The following CHEK1 variants were observed in gnomAD, a reference collection of about 807,000 sequenced individuals.
CHEK1 encodes the protein serine/threonine-protein kinase Chk1.
A neutral mutation model predicts 60.2 loss-of-function variants in CHEK1; 32 were observed. The observed-to-expected ratio is 0.53, with a 90% CI of 0.40 to 0.71. CHEK1 has a LOEUF of 0.71. Ranked by LOEUF, CHEK1 falls within the 30% of genes least tolerant of loss-of-function variation. The pLI, the probability that CHEK1 is intolerant of heterozygous loss-of-function variation, is 0.00. For missense variants in CHEK1, 399 were observed against 564.6 expected, an observed-to-expected ratio of 0.71 and a Z score of 2.97; for synonymous variants, 179 against 187.2, an observed-to-expected ratio of 0.96 and a Z score of 0.36.
Position 125,655,362 on chromosome 11 carries a change from G to A in CHEK1, c.*42G>A. On this transcript the variant is annotated 3_prime_UTR_variant, in exon 13 of 13. Coordinates refer to ENST00000438015, the MANE Select transcript of CHEK1 (RefSeq NM_001114122.3). ...GGGGAATCCTGGTGAATATAGTGCT[G>A]CTATGTTGACATTATTCTTCCTAGA... 2.2e-6 allele frequency: 3 copies of A among 1,352,214 alleles called. No individual in the cohort carries two copies. The highest frequency in any genetic ancestry group is 3.2e-6 in the Non-Finnish European group (3 of 948,478). The allele number at this position is 1,352,214 out of a possible 1,614,324, so 83.8% of individuals were successfully genotyped here.
chr11:125,677,802 G>C (rs1304652313), downstream of CHEK1: 1 of 1,613,990 alleles, frequency 6.2e-7, no homozygotes, highest in East Asian at 2.2e-5. Flanking sequence ...CTCACCTGTA[G>C]ATGTGCTTGA....
At chr11:125,646,474 C>T (rs1196556386) in intron 11 of CHEK1, among the ~76,000 whole-genome samples, 1 of 152,038 alleles carries the variant, frequency 6.6e-6, no homozygotes, top group African/African-American at 2.4e-5. Flanking sequence ...TTTTCAATTT[C>T]TTAGATATAT....
downstream of CHEK1, among the ~76,000 whole-genome samples, chr11:125,659,906 C>T (rs1941981103): frequency 1.3e-5 from 2 of 152,166 alleles, no homozygotes; most frequent in Non-Finnish European, 2.9e-5. Flanking sequence ...TACTAACCTA[C>T]ATTTTGTCTC....
chr11:125,670,620 A>G (rs1376090701), intron 13 of CHEK1, among the ~76,000 whole-genome samples: 1 of 152,124 alleles, frequency 6.6e-6, no homozygotes, highest in Non-Finnish European at 1.5e-5. Flanking sequence ...GGTTATCCTC[A>G]AATTTAGGGG....
At chr11:125,632,126 C>T (rs1382514486) in intron 5 of CHEK1, among the ~76,000 whole-genome samples, 1 of 152,036 alleles carries the variant, frequency 6.6e-6, no homozygotes, top group Non-Finnish European at 1.5e-5. Flanking sequence ...ATGCCATTAG[C>T]CTTTTTGTCC....
chr11:125,643,034 T>C (rs1006371065), intron 8 of CHEK1: 1 of 152,214 alleles, frequency 6.6e-6, no homozygotes, highest in Non-Finnish European at 1.5e-5. Context: ...ATAAAGCTTT[T>C]CCAAGGAATC....
In CHEK1 at chr11:125,657,077, C is replaced by T. The variant is rs1442876902; in HGVS notation, c.*1757C>T. 1 of 180,856 alleles carries T rather than the reference C, an allele frequency of 5.5e-6. No individual in the cohort carries two copies. The highest frequency in any genetic ancestry group is 1.2e-5 in the Non-Finnish European group (1 of 84,914). The allele number at this position is 180,856 out of a possible 1,614,324, so 11.2% of individuals were successfully genotyped here. ...GTTGCCTTAATTTTCCTGTAATGTT[C>T]ATTATATTGTTGTGGGAAGGTATTT... On this transcript the variant is annotated 3_prime_UTR_variant, in exon 13 of 13. Transcript: ENST00000438015.
intron 13 of CHEK1, among the ~76,000 whole-genome samples, chr11:125,672,901 T>C (rs1942271119): frequency 6.6e-6 from 1 of 152,124 alleles, no homozygotes; most frequent in African/African-American, 2.4e-5. Flanking sequence ...ACTCCTTTCT[T>C]ATATTGTCAG....
In CHEK1 at chr11:125,635,548, T is replaced by C; in HGVS notation, c.718+15T>C. ...TGCTCCTCTAGGTAACTGAATTATCTTGAGTGAAAGAGTACCGATTTCTTG... is the reference window on the plus strand; with the variant it reads ...TGCTCCTCTAGGTAACTGAATTATCCTGAGTGAAAGAGTACCGATTTCTTG... On this transcript the variant is annotated intron_variant, in intron 7 of 12. Coordinates refer to ENST00000438015, the MANE Select transcript of CHEK1 (RefSeq NM_001114122.3). 1 of 1,515,684 alleles carries C rather than the reference T, an allele frequency of 6.6e-7. No homozygotes were observed. The highest frequency in any genetic ancestry group is 9.0e-7 in the Non-Finnish European group (1 of 1,109,898). The allele number at this position is 1,515,684 out of a possible 1,614,324, so 93.9% of individuals were successfully genotyped here.
At chr11:125,626,033 G>T (rs1342376102) in intron 1 of CHEK1, 21 bp downstream of exon 1, 2 of 694,906 alleles carry the variant, frequency 2.9e-6, no homozygotes, top group African/African-American at 3.5e-5. Context: ...GCGGCCGGTA[G>T]AGTAGGGAAG....
intron 8 of CHEK1, 154 bp from the exon 9 acceptor site, chr11:125,643,638 A>T: frequency 1.7e-6 from 1 of 583,138 alleles, no homozygotes; most frequent in Non-Finnish European, 3.0e-6. Flanking sequence ...TTATAAAATC[A>T]TATAGGAAGA....
intron 13 of CHEK1, among the ~76,000 whole-genome samples, chr11:125,670,346 C>T (rs576452394): frequency 1.3e-5 from 2 of 152,230 alleles, no homozygotes; most frequent in East Asian, 1.9e-4. Flanking sequence ...GGTCTATAGA[C>T]TGCTTTTTTT....
chr11:125,679,756 G>A (rs188730119), downstream of CHEK1, among the ~76,000 whole-genome samples: 2 of 152,270 alleles, frequency 1.3e-5, no homozygotes, highest in African/African-American at 2.4e-5. Context: ...AGAATCTTGC[G>A]ATAGATATAT....
At chr11:125,669,340 G>A (rs1025004538) in intron 13 of CHEK1, among the ~76,000 whole-genome samples, 11 of 152,026 alleles carry the variant, frequency 7.2e-5, no homozygotes, top group African/African-American at 2.7e-4. Flanking sequence ...TCATTACTTC[G>A]AAGTATCTCC....
chr11:125,665,460 G>T (rs1942082769), intron 13 of CHEK1, among the ~76,000 whole-genome samples: 1 of 151,840 alleles, frequency 6.6e-6, no homozygotes, highest in South Asian at 2.1e-4. Flanking sequence ...TTACATCTTT[G>T]CCTGATTTTG....
Position 125,625,866 on chromosome 11 carries a change from C to G in CHEK1, c.-167C>G, listed in dbSNP as rs1031346569. ...CTCCACGTCACCCTTTTGGAGCCGCCGACATTCAGAGGGGCAGGACACGGG... is the reference window on the plus strand; with the variant it reads ...CTCCACGTCACCCTTTTGGAGCCGCGGACATTCAGAGGGGCAGGACACGGG... On this transcript the variant is annotated 5_prime_UTR_variant, in exon 1 of 13. Transcript: ENST00000438015. The G allele has an allele frequency of 1.4e-6, 1 of 702,644 alleles. No homozygotes were observed. The highest frequency in any genetic ancestry group is 2.6e-6 in the Non-Finnish European group (1 of 385,018). 43.5% of individuals were successfully genotyped at this position (702,644 alleles called of 1,614,324 possible). A position where few individuals can be genotyped will look rare whatever the true frequency, so the allele number is the denominator to read the frequency against.
intron 8 of CHEK1, among the ~76,000 whole-genome samples, chr11:125,639,708 C>G (rs1055338048): frequency 6.6e-6 from 1 of 152,160 alleles, no homozygotes; most frequent in African/African-American, 2.4e-5. Context: ...TCCTCACTCT[C>G]AGTTGTTCAC....
downstream of CHEK1, among the ~76,000 whole-genome samples, chr11:125,677,212 T>C (rs535776383): frequency 6.6e-6 from 1 of 152,368 alleles, no homozygotes; most frequent in East Asian, 1.9e-4. Flanking sequence ...ATGTGAACTA[T>C]GTCTGGTAAT....
chr11:125,679,547 A>G (rs1405383907), downstream of CHEK1, among the ~76,000 whole-genome samples: 2 of 152,210 alleles, frequency 1.3e-5, no homozygotes, highest in Non-Finnish European at 2.9e-5. Flanking sequence ...TGTCAGACAA[A>G]TATTCCTTAA....
Sources: allele counts gnomAD v4.1 joint callset (sites outside exome capture counted in the v4.1 genomes callset), GRCh38; gene constraint gnomAD v4.1.1; transcripts MANE v1.5; gene names NCBI Gene and HGNC (gene_info 2026-07-23, HGNC 2026-07-21).